CDV3: variants seen among roughly 807,000 people sequenced by gnomAD.
CDV3 encodes protein CDV3 homolog.
In CDV3, 14 loss-of-function variants were observed where a neutral mutation model predicts 24.5. The observed-to-expected ratio is 0.57, with a 90% CI of 0.38 to 0.89. The LOEUF is 0.89. Among genes scored for constraint, CDV3 ranks in the 40% least tolerant of loss-of-function variants. CDV3 has a pLI of 0.00. For missense variants in CDV3, 304 were observed against 310.2 expected, an observed-to-expected ratio of 0.98 and a Z score of 0.15; for synonymous variants, 114 against 114.1, an observed-to-expected ratio of 1.00 and a Z score of 0.00.
chr3:133,574,511 T>C (rs937514197), intron 1 of CDV3: 1 of 986,180 alleles, frequency 1.0e-6, no homozygotes, highest in Non-Finnish European at 1.2e-6. Flanking sequence ...TCGCTCGGCG[T>C]TAGCCAAGGC....
At chr3:133,585,922 T>TA (rs932417484) in intron 3 of CDV3, among the ~76,000 whole-genome samples, 2 of 152,200 alleles carry the variant, frequency 1.3e-5, no homozygotes, top group African/African-American at 4.8e-5. Flanking sequence ...GAAACAGGAC[T>TA]AAAGTCCTAT....
chr3:133,574,328 C>G (rs2074716688), intron 1 of CDV3, 44 bp downstream of exon 1: 6 of 928,074 alleles, frequency 6.5e-6, no homozygotes, highest in Non-Finnish European at 7.7e-6. Flanking sequence ...GGCCGCGCGC[C>G]GGCGCCCCAT....
At chr3:133,577,517 C>T (rs1053094976) in intron 2 of CDV3, among the ~76,000 whole-genome samples, 5 of 152,192 alleles carry the variant, frequency 3.3e-5, no homozygotes, top group East Asian at 3.9e-4. Context: ...TGTGTCACCA[C>T]GCCTGGCTAA....
chr3:133,576,872 A>G (rs1486292360), intron 2 of CDV3, among the ~76,000 whole-genome samples: 2 of 12,644 alleles, frequency 1.6e-4, no homozygotes, highest in Non-Finnish European at 4.5e-4. Flanking sequence ...TTTGAGACGA[A>G]GTTTCCCTCT....
intron 3 of CDV3, among the ~76,000 whole-genome samples, chr3:133,584,702 TC>T (rs1269157208): frequency 6.6e-6 from 1 of 152,202 alleles, no homozygotes; most frequent in African/African-American, 2.4e-5. Context: ...TATTTAACTT[TC>T]CTGTTCTTTG....
At chr3:133,584,186 ATTTATATATGAT>A (rs1200601696) in intron 3 of CDV3, 36 bp downstream of exon 3, 1 of 1,500,518 alleles carries the variant, frequency 6.7e-7, no homozygotes, top group Admixed American at 1.9e-5. Flanking sequence ...AAGATGTCTA[ATTTATATATGAT>A]TTTATATATG....
At chr3:133,579,366 TC>T (rs1360862144) in intron 2 of CDV3, among the ~76,000 whole-genome samples, 1 of 152,218 alleles carries the variant, frequency 6.6e-6, no homozygotes, top group Non-Finnish European at 1.5e-5. Flanking sequence ...TATATTTGGG[TC>T]AAACACTGAA....
intron 2 of CDV3, among the ~76,000 whole-genome samples, chr3:133,578,894 T>C (rs2074916868): frequency 6.6e-6 from 1 of 152,222 alleles, no homozygotes. Flanking sequence ...TCTTTATAAA[T>C]ATACTGCTGC....
intron 4 of CDV3, chr3:133,587,590 G>GT: frequency 8.9e-7 from 1 of 1,122,262 alleles, no homozygotes; most frequent in Non-Finnish European, 1.1e-6. Context: ...CTTGCTAAAA[G>GT]TAAGAGTCTT....
At chr3:133,576,511 G>A (rs1334631707) in intron 2 of CDV3, among the ~76,000 whole-genome samples, 1 of 151,732 alleles carries the variant, frequency 6.6e-6, no homozygotes, top group Non-Finnish European at 1.5e-5. Context: ...TCTTGAAAAC[G>A]TGAGTGACTG....
At chr3:133,587,746 A>AT in intron 4 of CDV3, 150 bp from the exon 5 acceptor site, 1 of 1,418,060 alleles carries the variant, frequency 7.1e-7, no homozygotes, top group Non-Finnish European at 9.2e-7. Context: ...AAGCCTTAAA[A>AT]TGGTTTGATA....
chr3:133,582,233 T>C (rs1207599044), intron 2 of CDV3, among the ~76,000 whole-genome samples: 1 of 152,224 alleles, frequency 6.6e-6, no homozygotes, highest in East Asian at 1.9e-4. Context: ...CTTGGCCCAC[T>C]ACAACCTCTG....
At chr3:133,576,500 T>C (rs2074813074) in intron 2 of CDV3, among the ~76,000 whole-genome samples, 1 of 152,216 alleles carries the variant, frequency 6.6e-6, no homozygotes, top group Non-Finnish European at 1.5e-5. Context: ...TGACTGCAGG[T>C]TCTTGAAAAC....
intron 2 of CDV3, among the ~76,000 whole-genome samples, chr3:133,582,824 G>A (rs1030126254): frequency 6.6e-6 from 1 of 152,164 alleles, no homozygotes; most frequent in Non-Finnish European, 1.5e-5. Flanking sequence ...TTTCTGCCAG[G>A]TGTATCTTCG....
chr3:133,588,144 G>A lies in CDV3; in HGVS notation c.*98G>A, dbSNP rs974362523. 1.0e-4 allele frequency: 156 copies of A among 1,559,718 alleles called. No individual in the cohort carries two copies. Among genetic ancestry groups the A allele is most frequent in the Non-Finnish European group, 7.3e-5 (84 of 1,154,584 alleles). On this transcript the variant is annotated 3_prime_UTR_variant, in exon 5 of 5. Coordinates refer to ENST00000264993, the MANE Select transcript of CDV3 (RefSeq NM_017548.5). ...GATCTCTGCTGGATCTACAGACACC[G>A]ATGCAGACCACTCGATTTCATGACC...
chr3:133,585,775 G>A (rs968729123), intron 3 of CDV3, among the ~76,000 whole-genome samples: 2 of 152,154 alleles, frequency 1.3e-5, no homozygotes, highest in African/African-American at 2.4e-5. Context: ...AGGATTACAG[G>A]CTTGAGCCAC....
In CDV3 at chr3:133,574,137, C is replaced by T. The variant is rs1171885030; in HGVS notation, c.93C>T (p.Ala31=). ...KKERSNRAAS[A]AGAAGSAGGS... ...AGCGGAGCAACCGGGCGGCGAGTGC[C>T]GCGGGCGCAGCGGGCAGCGCCGGCG... is the stretch of plus-strand genomic sequence containing the variant. Residue 31 remains alanine, a synonymous_variant, in exon 1 of 5, where the codon GCC becomes GCT. Transcript: ENST00000264993. 75 of 1,191,106 alleles carry T rather than the reference C, an allele frequency of 6.3e-5. No individual in the cohort carries two copies. Among genetic ancestry groups the T allele is most frequent in the Middle Eastern group, 5.4e-4 (2 of 3,690 alleles). The allele number at this position is 1,191,106 out of a possible 1,614,324, so 73.8% of individuals were successfully genotyped here. A position where few individuals can be genotyped will look rare whatever the true frequency, so the allele number is the denominator to read the frequency against.
At position 133,588,328 on chromosome 3, in the gene CDV3, C is replaced by G. The variant is rs1417618884; in HGVS notation, c.*282C>G. ...AAAACCAAAACCTGCAGCCAGTGGT[C>G]ATTTCAAAATCTTTTTATGTTCAGA... On this transcript the variant is annotated 3_prime_UTR_variant, in exon 5 of 5. Transcript: ENST00000264993. 2 of 1,536,356 alleles carry G rather than the reference C, an allele frequency of 1.3e-6. No individual in the cohort carries two copies. The highest frequency in any genetic ancestry group is 2.0e-5 in the Admixed American group (1 of 50,980).
rs531986927 is a variant in CDV3 at position 133,588,323 on chromosome 3, G to A, written c.*277G>A. 1.3e-6 allele frequency: 2 copies of A among 1,536,648 alleles called. No individual in the cohort carries two copies. The highest frequency in any genetic ancestry group is 4.9e-5 in the East Asian group (2 of 40,914). ...TACAAAAAACCAAAACCTGCAGCCA[G>A]TGGTCATTTCAAAATCTTTTTATGT... On this transcript the variant is annotated 3_prime_UTR_variant, in exon 5 of 5. Coordinates refer to ENST00000264993, the MANE Select transcript of CDV3 (RefSeq NM_017548.5).
Sources: gnomAD v4.1 joint callset for allele counts (sites outside exome capture counted in the v4.1 genomes callset) on GRCh38, gnomAD v4.1.1 for gene constraint, MANE v1.5 for transcripts, NCBI Gene and HGNC (gene_info 2026-07-23, HGNC 2026-07-21) for gene names.